Variants in PACS1 observed in about 807,000 individuals in gnomAD.
PACS1 encodes the protein PACS-1.
Under a neutral mutation model 115.0 loss-of-function variants are expected in PACS1, and 24 were observed. That is an observed-to-expected ratio of 0.21 (90% CI 0.15 to 0.29). The LOEUF (loss-of-function observed/expected upper bound fraction) is 0.29, where lower values mean the gene tolerates loss of function less well. Among genes scored for constraint, PACS1 ranks in the 10% least tolerant of loss-of-function variants. The probability of loss-of-function intolerance (pLI) is 1.00; values close to 1 mark genes in which losing one functional copy is unlikely to be tolerated. For missense variants in PACS1, 838 were observed against 1,251.2 expected (o/e 0.67, Z 4.98); for synonymous variants, 453 against 504.5 (o/e 0.90, Z 1.37).
At chr11:66,114,396 C>T (rs1233263310) in intron 1 of PACS1, among the ~76,000 whole-genome samples, 2 of 142,536 alleles carry the variant, frequency 1.4e-5, no homozygotes, top group Non-Finnish European at 3.0e-5. Flanking sequence ...CCAGCCTGGG[C>T]GACAGAGCAA....
At chr11:66,201,638 C>G (rs1303296166) in intron 2 of PACS1, among the ~76,000 whole-genome samples, 1 of 146,690 alleles carries the variant, frequency 6.8e-6, no homozygotes, top group Non-Finnish European at 1.5e-5. Context: ...AAAAAGTCAA[C>G]AAAACAAAAT....
intron 4 of PACS1, among the ~76,000 whole-genome samples, chr11:66,215,899 C>CAA (rs1162126580): frequency 2.6e-5 from 3 of 116,926 alleles, no homozygotes; most frequent in Admixed American, 9.3e-5. Context: ...GACTCCGTCT[C>CAA]AAAAATAATA....
At chr11:66,198,183 G>T (rs905229536) in intron 2 of PACS1, among the ~76,000 whole-genome samples, 5 of 152,242 alleles carry the variant, frequency 3.3e-5, no homozygotes, top group Non-Finnish European at 2.9e-5. Context: ...CCAGTGCTGG[G>T]ATTATAGGCT....
At chr11:66,150,278 T>C (rs1426863736) in intron 1 of PACS1, among the ~76,000 whole-genome samples, 2 of 152,196 alleles carry the variant, frequency 1.3e-5, no homozygotes, top group East Asian at 3.8e-4. Flanking sequence ...AAATAACCAT[T>C]GAGACTAACA....
intron 1 of PACS1, among the ~76,000 whole-genome samples, chr11:66,155,549 C>CT (rs1332776852): frequency 6.6e-6 from 1 of 152,122 alleles, no homozygotes; most frequent in Admixed American, 6.6e-5. Context: ...AACTACCGCT[C>CT]TTTACCCTCT....
chr11:66,157,815 A>T (rs555199758), intron 1 of PACS1, among the ~76,000 whole-genome samples: 3 of 150,374 alleles, frequency 2.0e-5, no homozygotes, highest in Admixed American at 6.7e-5. Context: ...ACATTATCAC[A>T]TTTCTGTCTG....
chr11:66,186,761 AT>A (rs577565904), intron 1 of PACS1, among the ~76,000 whole-genome samples: 1 of 152,000 alleles, frequency 6.6e-6, no homozygotes, highest in African/African-American at 2.4e-5. Flanking sequence ...TCATTCAGGC[AT>A]TTTTTTTGTT....
chr11:66,163,874 A>G (rs1859543071), intron 1 of PACS1, among the ~76,000 whole-genome samples: 1 of 152,240 alleles, frequency 6.6e-6, no homozygotes, highest in Admixed American at 6.5e-5. Context: ...ATGCTTTAAA[A>G]TGTACCATTT....
chr11:66,219,581 C>A, intron 7 of PACS1, 165 bp from the exon 8 acceptor site: 1 of 711,980 alleles, frequency 1.4e-6, no homozygotes. Context: ...TGGAATTTGG[C>A]CTGTCTTCCT....
At chr11:66,146,861 C>T (rs1310959822) in intron 1 of PACS1, among the ~76,000 whole-genome samples, 2 of 152,146 alleles carry the variant, frequency 1.3e-5, no homozygotes, top group Non-Finnish European at 2.9e-5. Context: ...TCGAGACCAG[C>T]CTGGCCAACA....
chr11:66,157,520 G>A (rs1859387787), intron 1 of PACS1, among the ~76,000 whole-genome samples: 1 of 152,144 alleles, frequency 6.6e-6, no homozygotes, highest in South Asian at 2.1e-4. Flanking sequence ...TCTGAATGTG[G>A]AAGAGTTAGC....
At chr11:66,230,970 A>T (rs774149604) in intron 13 of PACS1, 30 bp downstream of exon 13, 1 of 1,612,692 alleles carries the variant, frequency 6.2e-7, no homozygotes, top group African/African-American at 1.3e-5. Flanking sequence ...AAACACCAGG[A>T]CCCTCTGAGA....
chr11:66,225,495 A>G (rs547662033), intron 10 of PACS1, among the ~76,000 whole-genome samples: 1 of 152,358 alleles, frequency 6.6e-6, no homozygotes, highest in South Asian at 2.1e-4. Flanking sequence ...TCTAAGCCCA[A>G]TCCAAGTTAA....
At chr11:66,220,319 G>A (rs367978629) in intron 8 of PACS1, 7 of 361,242 alleles carry the variant, frequency 1.9e-5, no homozygotes, top group Admixed American at 4.3e-5. Context: ...CGATTGCTTC[G>A]CCTTCCTGTG....
intron 1 of PACS1, among the ~76,000 whole-genome samples, chr11:66,091,438 G>T (rs1005247138): frequency 1.3e-5 from 2 of 151,824 alleles, no homozygotes; most frequent in Non-Finnish European, 2.9e-5. Flanking sequence ...ACCACGCCCA[G>T]CCTGGTTTTA....
intron 1 of PACS1, among the ~76,000 whole-genome samples, chr11:66,190,486 C>A (rs567709682): frequency 6.6e-6 from 1 of 152,090 alleles, no homozygotes; most frequent in Non-Finnish European, 1.5e-5. Flanking sequence ...AGTGCAATGG[C>A]GCAATCTTGG....
intron 4 of PACS1, among the ~76,000 whole-genome samples, chr11:66,214,015 A>G (rs1488537855): frequency 7.6e-6 from 1 of 131,010 alleles, no homozygotes; most frequent in East Asian, 2.4e-4. Context: ...CCTGGGCGAC[A>G]GCGCGAGACT....
intron 2 of PACS1, among the ~76,000 whole-genome samples, chr11:66,207,106 A>G (rs2134693901): frequency 6.6e-6 from 1 of 152,184 alleles, no homozygotes; most frequent in South Asian, 2.1e-4. Context: ...ATAACATTTC[A>G]CCCACAAATA....
chr11:66,138,652 A>G (rs1222728815), intron 1 of PACS1, among the ~76,000 whole-genome samples: 1 of 150,646 alleles, frequency 6.6e-6, no homozygotes, highest in Non-Finnish European at 1.5e-5. Flanking sequence ...GCTACTAAAT[A>G]GGACTCTTGA....
Sources: gnomAD v4.1 joint callset for allele counts (sites outside exome capture counted in the v4.1 genomes callset) on GRCh38, gnomAD v4.1.1 for gene constraint, MANE v1.5 for transcripts, NCBI Gene and HGNC (gene_info 2026-07-23, HGNC 2026-07-21) for gene names.